Variants in CNTNAP2 observed in about 807,000 individuals in gnomAD.
The protein encoded by CNTNAP2 is contactin associated protein 2.
CNTNAP2 carries 98 observed loss-of-function variants against 155.2 expected under a neutral mutation model. The observed-to-expected ratio is 0.63, with a 90% CI of 0.54 to 0.75. The LOEUF (loss-of-function observed/expected upper bound fraction) is 0.75, where lower values mean the gene tolerates loss of function less well. Among genes scored for constraint, CNTNAP2 ranks in the 30% least tolerant of loss-of-function variants. CNTNAP2 has a pLI of 0.00. For synonymous variants in CNTNAP2, 651 were observed against 631.2 expected, an observed-to-expected ratio of 1.03 and a Z score of -0.47; for missense variants, 1,727 against 1,688.1, an observed-to-expected ratio of 1.02 and a Z score of -0.40.
chr7:148,088,050 G>T (rs1045558651), intron 15 of CNTNAP2, among the ~76,000 whole-genome samples: 1 of 152,042 alleles, frequency 6.6e-6, no homozygotes, highest in Non-Finnish European at 1.5e-5. Flanking sequence ...GCCTAGTTCT[G>T]TAGGGTTCCA....
At chr7:148,201,793 C>T (rs1440783524) in intron 18 of CNTNAP2, among the ~76,000 whole-genome samples, 2 of 151,876 alleles carry the variant, frequency 1.3e-5, no homozygotes, top group East Asian at 3.9e-4. Flanking sequence ...CATTTGCAGG[C>T]ATTTCATTAC....
At chr7:148,172,212 T>C (rs893377065) in intron 17 of CNTNAP2, 30 bp from the exon 18 acceptor site, 2 of 1,607,762 alleles carry the variant, frequency 1.2e-6, no homozygotes, top group Non-Finnish European at 1.7e-6. Context: ...GGTTATTCCC[T>C]CTGAACTCTG....
intron 3 of CNTNAP2, among the ~76,000 whole-genome samples, chr7:146,876,069 C>A (rs1414130668): frequency 2.6e-5 from 4 of 151,616 alleles, no homozygotes; most frequent in Admixed American, 2.6e-4. Context: ...CATTAAACTC[C>A]TGGCCTGTTT....
At chr7:148,340,200 A>C (rs1418814622) in intron 21 of CNTNAP2, among the ~76,000 whole-genome samples, 1 of 152,184 alleles carries the variant, frequency 6.6e-6, no homozygotes, top group African/African-American at 2.4e-5. Flanking sequence ...CAGTAACAAT[A>C]CTAGTAGGTA....
At chr7:146,668,741 A>C (rs1170542621) in intron 1 of CNTNAP2, among the ~76,000 whole-genome samples, 1 of 152,000 alleles carries the variant, frequency 6.6e-6, no homozygotes, top group African/African-American at 2.4e-5. Flanking sequence ...TTATGTGTCT[A>C]AGAATTTATC....
At chr7:147,861,312 C>A (rs1011174728) in intron 13 of CNTNAP2, among the ~76,000 whole-genome samples, 1 of 152,146 alleles carries the variant, frequency 6.6e-6, no homozygotes, top group Non-Finnish European at 1.5e-5. Flanking sequence ...GTGTATGAAT[C>A]ATTATATTAG....
At chr7:147,790,667 G>A (rs1289046698) in intron 13 of CNTNAP2, among the ~76,000 whole-genome samples, 2 of 152,148 alleles carry the variant, frequency 1.3e-5, no homozygotes, top group Non-Finnish European at 2.9e-5. Flanking sequence ...TTCAATATTC[G>A]CCATCATTTC....
chr7:146,668,756 T>C (rs1800244702), intron 1 of CNTNAP2, among the ~76,000 whole-genome samples: 1 of 152,114 alleles, frequency 6.6e-6, no homozygotes, highest in African/African-American at 2.4e-5. Context: ...TTTATCCACA[T>C]CCTCTAGGTT....
intron 10 of CNTNAP2, among the ~76,000 whole-genome samples, chr7:147,418,987 T>C (rs1032161970): frequency 3.3e-5 from 5 of 152,204 alleles, no homozygotes; most frequent in African/African-American, 1.2e-4. Context: ...TACTCATTAT[T>C]AAACGGACTC....
intron 1 of CNTNAP2, among the ~76,000 whole-genome samples, chr7:146,335,723 A>G (rs1272065854): frequency 6.6e-6 from 1 of 152,084 alleles, no homozygotes; most frequent in Non-Finnish European, 1.5e-5. Context: ...TTTTGTTCCT[A>G]CAAGTGTTCA....
At chr7:147,421,363 CATT>C (rs752362710) in intron 10 of CNTNAP2, among the ~76,000 whole-genome samples, 4 of 151,962 alleles carry the variant, frequency 2.6e-5, no homozygotes, top group Non-Finnish European at 5.9e-5. Flanking sequence ...AGATGGTAGA[CATT>C]GTAGAGTTTC....
chr7:147,821,195 T>C (rs1266331132), intron 13 of CNTNAP2, among the ~76,000 whole-genome samples: 1 of 152,176 alleles, frequency 6.6e-6, no homozygotes, highest in Non-Finnish European at 1.5e-5. Context: ...AACATGACTA[T>C]ATTAATTATG....
At chr7:147,939,090 A>T (rs1221355251) in intron 14 of CNTNAP2, among the ~76,000 whole-genome samples, 1 of 152,176 alleles carries the variant, frequency 6.6e-6, no homozygotes, top group Non-Finnish European at 1.5e-5. Context: ...GGCTAGATGT[A>T]TGTACGATGA....
intron 4 of CNTNAP2, among the ~76,000 whole-genome samples, chr7:147,074,651 C>G (rs2129266567): frequency 6.6e-6 from 1 of 151,930 alleles, no homozygotes; most frequent in Non-Finnish European, 1.5e-5. Context: ...TAGAAATGTG[C>G]CAGTGAAATA....
At chr7:147,582,074 A>G (rs1800512271) in intron 12 of CNTNAP2, among the ~76,000 whole-genome samples, 1 of 152,272 alleles carries the variant, frequency 6.6e-6, no homozygotes, top group Non-Finnish European at 1.5e-5. Context: ...GTACTTTTAA[A>G]GAATTTTCAT....
rs576114176 is a variant in CNTNAP2, at chr7:148,248,544, A to G, written c.3382-18489A>G. On this transcript the variant is annotated intron_variant, in intron 20 of 23. Coordinates refer to ENST00000361727, the MANE Select transcript of CNTNAP2 (RefSeq NM_014141.6). ...AAATGTCCAGCTCCTTTCATTCTGC[A>G]TAATGATTCTGAGGTTCCTTCTTCT... Among the ~76,000 whole-genome samples the G allele has an allele frequency of 1.3e-3, 202 of 152,312 alleles. 1 individual carries two copies. The highest frequency in any genetic ancestry group is 2.3e-3 in the Non-Finnish European group (159 of 68,030).
chr7:146,775,169 G>GA (rs1802367261), intron 2 of CNTNAP2, among the ~76,000 whole-genome samples: 1 of 152,074 alleles, frequency 6.6e-6, no homozygotes, highest in South Asian at 2.1e-4. Context: ...TGGAGAGGGA[G>GA]AAAAAATTGA....
intron 21 of CNTNAP2, among the ~76,000 whole-genome samples, chr7:148,337,952 A>G (rs888637044): frequency 3.8e-4 from 58 of 152,340 alleles, no homozygotes; most frequent in Non-Finnish European, 2.1e-4. Context: ...TTAAATTTAC[A>G]TACGATAAAA....
chr7:148,066,596 C>T (rs1803269292), intron 15 of CNTNAP2, among the ~76,000 whole-genome samples: 1 of 152,032 alleles, frequency 6.6e-6, no homozygotes, highest in Non-Finnish European at 1.5e-5. Context: ...CTCCTGGATT[C>T]ACGCCATTCT....
Sources: allele counts gnomAD v4.1 joint callset (sites outside exome capture counted in the v4.1 genomes callset), GRCh38; gene constraint gnomAD v4.1.1; transcripts MANE v1.5; gene names NCBI Gene and HGNC (gene_info 2026-07-23, HGNC 2026-07-21).